Variants in AUTS2 observed in about 807,000 individuals in gnomAD.
The protein encoded by AUTS2 is activator of transcription and developmental regulator AUTS2, also known as autism susceptibility gene 2 protein.
AUTS2 carries 17 observed loss-of-function variants against 112.4 expected under a neutral mutation model. The ratio of observed to expected loss-of-function variants is 0.15; its 90% CI spans 0.10 to 0.23. AUTS2 has a LOEUF of 0.23. Among genes scored for constraint, AUTS2 ranks in the 10% least tolerant of loss-of-function variants. The pLI is 1.00. For synonymous variants in AUTS2, 751 were observed against 702.7 expected (o/e 1.07, Z -1.09); for missense variants, 1,510 against 1,701.6 (o/e 0.89, Z 1.98).
chr7:69,966,374 A>T (rs769343014), intron 2 of AUTS2, among the ~76,000 whole-genome samples: 1 of 152,212 alleles, frequency 6.6e-6, no homozygotes, highest in South Asian at 2.1e-4. Flanking sequence ...ATAATGCTAT[A>T]GTCAGCAGTA....
At chr7:70,304,533 A>G (rs1354584559) in intron 4 of AUTS2, among the ~76,000 whole-genome samples, 1 of 152,120 alleles carries the variant, frequency 6.6e-6, no homozygotes, top group Non-Finnish European at 1.5e-5. Flanking sequence ...AAGTTGGGAA[A>G]GTCTGAGGTG....
chr7:70,007,463 TA>T (rs1799596498), intron 2 of AUTS2, among the ~76,000 whole-genome samples: 1 of 152,182 alleles, frequency 6.6e-6, no homozygotes, highest in Non-Finnish European at 1.5e-5. Flanking sequence ...AAACTTACAT[TA>T]ATATTGTGGC....
At chr7:70,131,517 TAAAATGAGAAAGCAGTACCAATCCCTA>T (rs1806270006) in intron 3 of AUTS2, among the ~76,000 whole-genome samples, 1 of 152,196 alleles carries the variant, frequency 6.6e-6, no homozygotes, top group African/African-American at 2.4e-5. Flanking sequence ...CTGTGTCTTC[TAAAATGAGAAAGCAGTACCAATCCCTA>T]AATATACATC....
intron 1 of AUTS2, among the ~76,000 whole-genome samples, chr7:69,606,084 TA>T (rs1792700088): frequency 6.6e-6 from 1 of 152,152 alleles, no homozygotes; most frequent in Admixed American, 6.5e-5. Flanking sequence ...TCCGTGAATT[TA>T]AAAAATGAAT....
chr7:69,622,249 C>A (rs894390303), intron 1 of AUTS2, among the ~76,000 whole-genome samples: 4 of 152,122 alleles, frequency 2.6e-5, no homozygotes, highest in Admixed American at 1.3e-4. Context: ...ATAAAAGACC[C>A]CAGGGTAGTG....
At chr7:70,623,520 A>G (rs1286708356) in intron 5 of AUTS2, among the ~76,000 whole-genome samples, 1 of 152,230 alleles carries the variant, frequency 6.6e-6, no homozygotes, top group East Asian at 1.9e-4. Context: ...GTGACACACT[A>G]GCCAGTTTCA....
In AUTS2 at chr7:70,789,901, A is replaced by G. The variant is rs1226887376; in HGVS notation, c.2685A>G (p.Arg895=). ...REKDKPKERE[R]DHSESRKDLA... ...AGGACAAACCCAAAGAGAGGGAGAG[A>G]GACCACTCGGAATCCCGCAAGGACC... is the stretch of plus-strand genomic sequence containing the variant. Residue 895 remains arginine (R), a synonymous_variant, in exon 19 of 19, where the codon AGA becomes AGG. Transcript: ENST00000342771. 1 of 1,614,114 alleles carries G rather than the reference A, an allele frequency of 6.2e-7. No homozygotes were observed. The highest frequency in any genetic ancestry group is 1.1e-5 in the South Asian group (1 of 91,084).
chr7:69,693,229 A>G (rs1023582881), intron 1 of AUTS2, among the ~76,000 whole-genome samples: 3 of 152,228 alleles, frequency 2.0e-5, no homozygotes, highest in Non-Finnish European at 4.4e-5. Context: ...TGAGCAACAG[A>G]GTGTGAAAAC....
intron 13 of AUTS2, 144 bp downstream of exon 13, chr7:70,775,530 G>T (rs759917308): frequency 5.8e-6 from 4 of 690,800 alleles, no homozygotes; most frequent in Non-Finnish European, 9.5e-6. Context: ...TTCAGATAGT[G>T]TGATTGAAAA....
Position 69,947,424 on chromosome 7 carries a change from G to A in AUTS2, c.522+47926G>A, listed in dbSNP as rs563872847. 4.6e-5 allele frequency among the ~76,000 whole-genome samples: 7 copies of A among 152,280 alleles called. No homozygotes were observed. The East Asian group carries it at 1.2e-3, about 25-fold the overall frequency. ...ATCCTAAATGATTACTAAATGACAA[G>A]TAAAATCTTGATTGAGATAGATCGT... is the stretch of plus-strand genomic sequence containing the variant. On this transcript the variant is annotated intron_variant, in intron 2 of 18. Coordinates refer to ENST00000342771, the MANE Select transcript of AUTS2 (RefSeq NM_015570.4).
rs150479098 is a variant in AUTS2, at chr7:70,226,320, A to G, written c.660+91749A>G. ...CTCTTGCCTCAGCCTCAGCCTCCCA[A>G]GTAGCTGGGACTACAGGCGCCCACC... is the stretch of plus-strand genomic sequence containing the variant. On this transcript the variant is annotated intron_variant, in intron 4 of 18. Coordinates refer to ENST00000342771, the MANE Select transcript of AUTS2 (RefSeq NM_015570.4). Among the ~76,000 whole-genome samples the G allele has an allele frequency of 6.9e-3, 1,034 of 149,942 alleles. 11 individuals are homozygous for G. The highest frequency in any genetic ancestry group is 0.052 in the East Asian group (263 of 5,096).
At chr7:70,589,181 G>A (rs1480980340) in intron 5 of AUTS2, among the ~76,000 whole-genome samples, 2 of 152,218 alleles carry the variant, frequency 1.3e-5, no homozygotes, top group African/African-American at 4.8e-5. Flanking sequence ...TTCCAAGCAT[G>A]CACTGCGAGA....
rs1303591595 is a variant in AUTS2 at position 70,631,540 on chromosome 7, C to A, written c.691-67029C>A. On this transcript the variant is annotated intron_variant, in intron 5 of 18. Transcript: ENST00000342771. The surrounding 1 kb of genome is among the most constrained non-coding windows in gnomAD (Gnocchi z 4.5). ...GCAACCTAGAATGTGGGCTGGAGAG[C>A]GCTGTCCCAGTGGTGGCCCCGAGGC... is the stretch of plus-strand genomic sequence containing the variant. Among the ~76,000 whole-genome samples, 1 of 152,204 alleles carries A rather than the reference C, an allele frequency of 6.6e-6. No individual in the cohort carries two copies. Among genetic ancestry groups the A allele is most frequent in the East Asian group, 1.9e-4 (1 of 5,156 alleles).
intron 1 of AUTS2, among the ~76,000 whole-genome samples, chr7:69,792,240 T>G (rs549472093): frequency 7.0e-6 from 1 of 142,582 alleles, no homozygotes; most frequent in Admixed American, 7.1e-5. Context: ...TTGTTTTTTT[T>G]TTGTTTTGTT....
intron 5 of AUTS2, among the ~76,000 whole-genome samples, chr7:70,475,133 G>A (rs1259895121): frequency 6.6e-6 from 1 of 152,236 alleles, no homozygotes; most frequent in Non-Finnish European, 1.5e-5. Flanking sequence ...AGGGCCTCCT[G>A]TCTACACTCT....
At chr7:69,919,270 C>CTATTGA (rs1795713168) in intron 2 of AUTS2, among the ~76,000 whole-genome samples, 3 of 152,114 alleles carry the variant, frequency 2.0e-5, no homozygotes, top group African/African-American at 7.2e-5. Flanking sequence ...CAGCGTGTGG[C>CTATTGA]TATTGATATT....
chr7:70,128,143 C>T (rs1029494610), intron 3 of AUTS2, among the ~76,000 whole-genome samples: 2 of 152,332 alleles, frequency 1.3e-5, no homozygotes, highest in African/African-American at 4.8e-5. Flanking sequence ...ATCTGTGCCA[C>T]ATTTTCCTTT....
intron 6 of AUTS2, among the ~76,000 whole-genome samples, chr7:70,722,428 A>G (rs1786750144): frequency 6.6e-6 from 1 of 152,198 alleles, no homozygotes; most frequent in Non-Finnish European, 1.5e-5. Flanking sequence ...TTTATATGCT[A>G]TAAATAATTA....
intron 1 of AUTS2, among the ~76,000 whole-genome samples, chr7:69,857,498 T>G (rs972781530): frequency 2.0e-5 from 3 of 152,194 alleles, no homozygotes; most frequent in Non-Finnish European, 4.4e-5. Flanking sequence ...AATAGGCAGA[T>G]TATAATTGCT....
Sources: gnomAD v4.1 joint callset for allele counts (sites outside exome capture counted in the v4.1 genomes callset) on GRCh38, gnomAD v4.1.1 for gene constraint, Gnocchi (gnomAD v3.1) non-coding constraint, MANE v1.5 for transcripts, NCBI Gene and HGNC (gene_info 2026-07-23, HGNC 2026-07-21) for gene names.